COMMD1: variants seen among roughly 807,000 people sequenced by gnomAD.
COMMD1 encodes copper metabolism domain containing 1, also known as COMM domain-containing protein 1.
COMMD1 carries 10 observed loss-of-function variants against 17.2 expected under a neutral mutation model. That is an observed-to-expected ratio of 0.58 (90% CI 0.36 to 0.99). The LOEUF is 0.99. Ranked by LOEUF, COMMD1 falls within the 50% of genes least tolerant of loss-of-function variation. The pLI is 0.01. For missense variants in COMMD1, 270 were observed against 231.8 expected (o/e 1.17, Z -1.07); for synonymous variants, 97 against 91.6 (o/e 1.06, Z -0.34).
chr2:61,944,530 T>C (rs983155942), intron 1 of COMMD1, among the ~76,000 whole-genome samples: 5 of 152,172 alleles, frequency 3.3e-5, no homozygotes, highest in African/African-American at 1.2e-4. Flanking sequence ...AACAACTTCC[T>C]AGGAGCTTAG....
At chr2:61,955,312 T>TC (rs1553372193) in intron 1 of COMMD1, among the ~76,000 whole-genome samples, 7 of 145,382 alleles carry the variant, frequency 4.8e-5, no homozygotes, top group East Asian at 2.1e-4. Context: ...CTCTCTCTCT[T>TC]TCTCTCTCTC....
chr2:62,067,541 T>C (rs535352299), intron 2 of COMMD1, among the ~76,000 whole-genome samples: 1 of 152,340 alleles, frequency 6.6e-6, no homozygotes, highest in South Asian at 2.1e-4. Context: ...CAAATTTATT[T>C]AATATTAGTT....
At chr2:62,010,583 C>T (rs1457175795) in intron 2 of COMMD1, among the ~76,000 whole-genome samples, 1 of 152,062 alleles carries the variant, frequency 6.6e-6, no homozygotes, top group Non-Finnish European at 1.5e-5. Flanking sequence ...ATTGAATATG[C>T]CCAAAACTAA....
At chr2:62,044,165 C>G (rs1670314913) in intron 2 of COMMD1, among the ~76,000 whole-genome samples, 1 of 152,122 alleles carries the variant, frequency 6.6e-6, no homozygotes, top group Non-Finnish European at 1.5e-5. Flanking sequence ...AATTCCAAAA[C>G]CCTTGCAAAC....
intron 2 of COMMD1, among the ~76,000 whole-genome samples, chr2:62,040,362 G>C (rs1670155762): frequency 6.6e-6 from 1 of 152,046 alleles, no homozygotes; most frequent in South Asian, 2.1e-4. Context: ...AGGGCCAGAG[G>C]GTTGAGTACA....
At chr2:62,098,648 G>A (rs1028764498) in intron 2 of COMMD1, among the ~76,000 whole-genome samples, 1 of 152,168 alleles carries the variant, frequency 6.6e-6, no homozygotes. Context: ...TAAAAGTCAG[G>A]CACAATTTTG....
intron 1 of COMMD1, among the ~76,000 whole-genome samples, chr2:61,893,097 C>CT: frequency 6.6e-6 from 1 of 152,104 alleles, no homozygotes; most frequent in African/African-American, 2.4e-5. Flanking sequence ...GAACTCCCGA[C>CT]CACAGGTGAT....
intron 2 of COMMD1, among the ~76,000 whole-genome samples, chr2:62,064,393 C>T (rs940016774): frequency 2.6e-5 from 4 of 152,082 alleles, no homozygotes. Flanking sequence ...AGGCTGGTCT[C>T]GAATGCCTGA....
At chr2:62,110,215 G>A (rs954341053) in intron 2 of COMMD1, among the ~76,000 whole-genome samples, 2 of 151,924 alleles carry the variant, frequency 1.3e-5, no homozygotes, top group African/African-American at 4.8e-5. Context: ...GACTACAGGG[G>A]TGCACCAACA....
chr2:61,932,502 CTA>C (rs1207744018), intron 1 of COMMD1, among the ~76,000 whole-genome samples: 3 of 152,088 alleles, frequency 2.0e-5, no homozygotes, highest in African/African-American at 7.2e-5. Flanking sequence ...GAGGTTGACA[CTA>C]TGTCTAAGGA....
chr2:62,091,795 G>A lies in COMMD1; in HGVS notation c.463-44036G>A, dbSNP rs150095366. On this transcript the variant is annotated intron_variant, in intron 2 of 2. Transcript: ENST00000311832. ...TTTTTCCCATTGTAACCAGGCAGTT[G>A]TCTCAACTGATAATCCCCAATATCT... Among the ~76,000 whole-genome samples the A allele has an allele frequency of 2.3e-3, 355 of 152,260 alleles. 2 individuals are homozygous for A. The highest frequency in any genetic ancestry group is 8.0e-3 in the African/African-American group (334 of 41,550).
chr2:62,067,423 C>T (rs1156467786), intron 2 of COMMD1, among the ~76,000 whole-genome samples: 1 of 152,116 alleles, frequency 6.6e-6, no homozygotes, highest in Admixed American at 6.5e-5. Flanking sequence ...TGTTGTTAGA[C>T]ATTATTTTCC....
chr2:61,947,716 C>CT (rs543333587), intron 1 of COMMD1, among the ~76,000 whole-genome samples: 14,162 of 132,220 alleles, frequency 0.11, 1,796 homozygotes, highest in African/African-American at 0.3. Flanking sequence ...TTTTTTTGTA[C>CT]TTTTTTTTTT....
At chr2:61,950,871 T>C (rs1409612992) in intron 1 of COMMD1, among the ~76,000 whole-genome samples, 1 of 152,202 alleles carries the variant, frequency 6.6e-6, no homozygotes, top group East Asian at 1.9e-4. Context: ...AGTTAAAACT[T>C]GTGAATTCTT....
chr2:61,903,623 G>A (rs529725819), upstream of COMMD1, among the ~76,000 whole-genome samples: 8 of 151,050 alleles, frequency 5.3e-5, no homozygotes, highest in Non-Finnish European at 1.0e-4. Context: ...CACCATCTCT[G>A]CTCACTGCAG....
At chr2:62,084,469 C>T (rs1022833450) in intron 2 of COMMD1, among the ~76,000 whole-genome samples, 1 of 152,108 alleles carries the variant, frequency 6.6e-6, no homozygotes, top group Non-Finnish European at 1.5e-5. Flanking sequence ...AGCTCTTCAT[C>T]CTTATCCTTT....
At chr2:62,099,273 T>G (rs1010135334) in intron 2 of COMMD1, among the ~76,000 whole-genome samples, 1 of 152,126 alleles carries the variant, frequency 6.6e-6, no homozygotes, top group African/African-American at 2.4e-5. Flanking sequence ...GAGGCAAGCT[T>G]ATCGTTTCCT....
At chr2:62,040,874 C>A (rs1471273990) in intron 2 of COMMD1, among the ~76,000 whole-genome samples, 1 of 152,146 alleles carries the variant, frequency 6.6e-6, no homozygotes, top group African/African-American at 2.4e-5. Flanking sequence ...CCACACCTGG[C>A]TAGTTTTTGT....
At chr2:62,086,718 T>C (rs982661690) in intron 2 of COMMD1, among the ~76,000 whole-genome samples, 2 of 152,234 alleles carry the variant, frequency 1.3e-5, no homozygotes, top group African/African-American at 4.8e-5. Flanking sequence ...TTCTTAAATG[T>C]TCCCCAGAAC....
Sources: gnomAD v4.1 joint callset for allele counts (sites outside exome capture counted in the v4.1 genomes callset) on GRCh38, gnomAD v4.1.1 for gene constraint, MANE v1.5 for transcripts, NCBI Gene and HGNC (gene_info 2026-07-23, HGNC 2026-07-21) for gene names.